Variants in CCDC149 observed in about 807,000 individuals in gnomAD.
The protein encoded by CCDC149 is coiled-coil domain containing 149, also known as coiled-coil domain-containing protein 149.
CCDC149 carries 45 observed loss-of-function variants against 59.9 expected under a neutral mutation model. The ratio of observed to expected loss-of-function variants is 0.75; its 90% confidence interval spans 0.59 to 0.96. The LOEUF is 0.96. Ranked by LOEUF, CCDC149 falls within the 40% of genes least tolerant of loss-of-function variation. The pLI is 0.00. For synonymous variants in CCDC149, 245 were observed against 260.6 expected, an observed-to-expected ratio of 0.94 and a Z score of 0.58; for missense variants, 584 against 664.7, an observed-to-expected ratio of 0.88 and a Z score of 1.33.
intron 1 of CCDC149, among the ~76,000 whole-genome samples, chr4:24,952,594 TCAA>T (rs1326764085): frequency 1.1e-4 from 2 of 18,058 alleles, no homozygotes; most frequent in East Asian, 2.0e-3. Context: ...AAACTCCATC[TCAA>T]AAAAAAAAAA....
At chr4:24,900,260 G>A (rs1196780196) in intron 1 of CCDC149, among the ~76,000 whole-genome samples, 1 of 152,128 alleles carries the variant, frequency 6.6e-6, no homozygotes, top group Non-Finnish European at 1.5e-5. Flanking sequence ...TCCTCTGCTA[G>A]ACATCCTGTC....
intron 1 of CCDC149, among the ~76,000 whole-genome samples, chr4:24,969,012 A>G (rs1411282311): frequency 6.6e-6 from 1 of 152,238 alleles, no homozygotes; most frequent in Non-Finnish European, 1.5e-5. Context: ...TAGAGCTGGC[A>G]CCTACATGAG....
intron 3 of CCDC149, among the ~76,000 whole-genome samples, chr4:24,853,946 T>A (rs1471116595): frequency 6.6e-6 from 1 of 152,142 alleles, no homozygotes; most frequent in Non-Finnish European, 1.5e-5. Context: ...ATAATCGCCC[T>A]TCATTCCCAT....
At chr4:24,838,077 G>A (rs1716658625) in intron 5 of CCDC149, 79 bp downstream of exon 5, 1 of 1,123,992 alleles carries the variant, frequency 8.9e-7, no homozygotes, top group African/African-American at 1.5e-5. Flanking sequence ...TGAGAAACGA[G>A]GGGCACAGTC....
At position 24,949,877 on chromosome 4, in the gene CCDC149, C is replaced by T. The variant is rs150071717; in HGVS notation, c.-65+30192G>A. Among the ~76,000 whole-genome samples the T allele has an allele frequency of 7.2e-5, 11 of 152,242 alleles. No individual in the cohort carries two copies. In the East Asian group the frequency reaches 2.1e-3, roughly 29 times the overall value. ...GTCAGGGATTCATCCGTGGACTCCC[C>T]GGGGCCTGTGACTAAGGTGGGTGGT... On this transcript the variant is annotated intron_variant, in intron 1 of 12. Transcript: ENST00000389609.
At chr4:24,862,441 T>C (rs918224960) in intron 3 of CCDC149, among the ~76,000 whole-genome samples, 1 of 152,174 alleles carries the variant, frequency 6.6e-6, no homozygotes, top group Admixed American at 6.5e-5. Context: ...TTTTAGAAAA[T>C]TCTGGCCCTC....
At chr4:24,973,939 C>A (rs1347423330) in intron 1 of CCDC149, among the ~76,000 whole-genome samples, 1 of 152,240 alleles carries the variant, frequency 6.6e-6, no homozygotes, top group East Asian at 1.9e-4. Context: ...TCCCCGAGCC[C>A]GGGAAGCCCG....
At chr4:24,921,938 T>C (rs778716188) in intron 1 of CCDC149, among the ~76,000 whole-genome samples, 1 of 152,172 alleles carries the variant, frequency 6.6e-6, no homozygotes, top group Non-Finnish European at 1.5e-5. Context: ...AGCAGAACTT[T>C]ATTGTCTCAA....
At chr4:24,931,812 T>C (rs1160336014) in intron 1 of CCDC149, among the ~76,000 whole-genome samples, 1 of 144,526 alleles carries the variant, frequency 6.9e-6, no homozygotes, top group Non-Finnish European at 1.5e-5. Context: ...TCCTCCCTTA[T>C]ATTGTATGGA....
chr4:24,917,763 C>T (rs1005103432), upstream of CCDC149, among the ~76,000 whole-genome samples: 25 of 152,142 alleles, frequency 1.6e-4, no homozygotes, highest in African/African-American at 6.0e-4. Flanking sequence ...AAGTCATCTG[C>T]TCTCAGATTA....
intron 1 of CCDC149, among the ~76,000 whole-genome samples, chr4:24,937,342 A>G (rs1184065328): frequency 6.6e-6 from 1 of 152,210 alleles, no homozygotes; most frequent in Non-Finnish European, 1.5e-5. Flanking sequence ...TGAGGTGCTC[A>G]CTCAAGACTC....
chr4:24,856,089 C>G (rs1326025652), intron 3 of CCDC149, among the ~76,000 whole-genome samples: 1 of 152,330 alleles, frequency 6.6e-6, no homozygotes, highest in East Asian at 1.9e-4. Flanking sequence ...GGTTACCTCC[C>G]TCAACTGTGC....
chr4:24,939,239 T>G, intron 1 of CCDC149, among the ~76,000 whole-genome samples: 1 of 151,844 alleles, frequency 6.6e-6, no homozygotes, highest in Admixed American at 6.5e-5. Context: ...GGTTCACCAA[T>G]ATCTGCTGTT....
At chr4:24,916,640 A>G (rs4697499), upstream of CCDC149, among the ~76,000 whole-genome samples, 991 of 152,268 alleles carry the variant, frequency 6.5e-3, 52 homozygotes, top group Admixed American at 0.06. Flanking sequence ...GCAAATCTCC[A>G]GTAGAGATTT....
intron 1 of CCDC149, among the ~76,000 whole-genome samples, chr4:24,904,702 G>C (rs1283564084): frequency 2.0e-5 from 3 of 152,172 alleles, no homozygotes; most frequent in Admixed American, 2.0e-4. Context: ...CTTAGCTGAT[G>C]AGTTTTGTAA....
intron 4 of CCDC149, among the ~76,000 whole-genome samples, chr4:24,842,771 A>G (rs1350461286): frequency 6.6e-6 from 1 of 152,142 alleles, no homozygotes; most frequent in East Asian, 1.9e-4. Flanking sequence ...CAGGCCTCCC[A>G]AGTCAGAATG....
chr4:24,852,935 G>T (rs191954730), intron 4 of CCDC149, 137 bp downstream of exon 4: 2 of 635,706 alleles, frequency 3.1e-6, no homozygotes, highest in Admixed American at 2.9e-5. Flanking sequence ...GCTAAACTGC[G>T]AATTTTCATT....
intron 4 of CCDC149, among the ~76,000 whole-genome samples, chr4:24,850,525 C>A (rs1012102089): frequency 1.3e-5 from 2 of 152,110 alleles, no homozygotes; most frequent in Non-Finnish European, 2.9e-5. Context: ...TGGCCACAGG[C>A]AGTGTAGCAC....
intron 1 of CCDC149, among the ~76,000 whole-genome samples, chr4:24,930,254 G>A (rs1004126262): frequency 6.6e-6 from 1 of 152,286 alleles, no homozygotes; most frequent in South Asian, 2.1e-4. Flanking sequence ...TGGTGACCTT[G>A]GAAACCACAG....
Sources: allele counts gnomAD v4.1 joint callset (sites outside exome capture counted in the v4.1 genomes callset), GRCh38; gene constraint gnomAD v4.1.1; transcripts MANE v1.5; gene names NCBI Gene and HGNC (gene_info 2026-07-23, HGNC 2026-07-21).